Variants in SPATA13 observed in about 807,000 individuals in gnomAD.
SPATA13 encodes the protein spermatogenesis-associated protein 13.
SPATA13 carries 50 observed loss-of-function variants against 104.0 expected under a neutral mutation model. That is an observed-to-expected ratio of 0.48 (90% CI 0.38 to 0.61). The LOEUF (loss-of-function observed/expected upper bound fraction) is 0.61. Ranked by LOEUF, SPATA13 falls within the 20% of genes least tolerant of loss-of-function variation. The pLI is 0.00. For missense variants in SPATA13, 1,524 were observed against 1,690.6 expected, an observed-to-expected ratio of 0.90 and a Z score of 1.73; for synonymous variants, 606 against 667.5, an observed-to-expected ratio of 0.91 and a Z score of 1.42.
chr13:24,262,613 A>T (rs1874110975), intron 4 of SPATA13, among the ~76,000 whole-genome samples: 1 of 152,232 alleles, frequency 6.6e-6, no homozygotes, highest in African/African-American at 2.4e-5. Flanking sequence ...AAGTCACTTA[A>T]TCTCAAAGTC....
chr13:24,195,351 C>T (rs750926550), intron 1 of SPATA13, among the ~76,000 whole-genome samples: 3 of 152,152 alleles, frequency 2.0e-5, no homozygotes, highest in African/African-American at 2.4e-5. Flanking sequence ...ATCCGTGCAT[C>T]GGTTGATGGG....
chr13:24,103,235 C>T (rs562130644), intron 3 of SPATA13, among the ~76,000 whole-genome samples: 2 of 152,168 alleles, frequency 1.3e-5, no homozygotes, highest in East Asian at 3.9e-4. Context: ...AGATGCTAAA[C>T]CAGGTTATTA....
In SPATA13 at chr13:24,102,638, C is replaced by A. The variant is rs550970199; in HGVS notation, c.-112+84937C>A. On this transcript the variant is annotated intron_variant, in intron 3 of 14. Coordinates refer to the SPATA13 transcript ENST00000424834. ...TATAGGTGCCCACCACTAAGCCTGG[C>A]TATTTTTGTATTTTTAGTAGAGATG... Among the ~76,000 whole-genome samples, 12 of 152,138 alleles carry A rather than the reference C, an allele frequency of 7.9e-5. No homozygotes were observed. In the South Asian group the frequency reaches 2.5e-3, roughly 32 times the overall value.
chr13:24,292,047 C>T (rs1013917960), intron 9 of SPATA13, among the ~76,000 whole-genome samples: 14 of 152,226 alleles, frequency 9.2e-5, no homozygotes, highest in Middle Eastern at 3.4e-3. Context: ...TGAGCCACCG[C>T]GCCCGGCCTC....
chr13:24,025,438 T>C (rs1877168432), intron 3 of SPATA13, among the ~76,000 whole-genome samples: 1 of 152,214 alleles, frequency 6.6e-6, no homozygotes, highest in African/African-American at 2.4e-5. Context: ...CAATGAACAT[T>C]CTATGTGTCT....
intron 1 of SPATA13, among the ~76,000 whole-genome samples, chr13:24,201,766 T>C (rs1311182774): frequency 6.6e-6 from 1 of 152,200 alleles, no homozygotes; most frequent in African/African-American, 2.4e-5. Context: ...GTACATTCTA[T>C]GGTTTGTACA....
At chr13:24,288,849 C>A in intron 7 of SPATA13, 150 bp from the exon 8 acceptor site, 1 of 565,528 alleles carries the variant, frequency 1.8e-6, no homozygotes, top group Non-Finnish European at 2.9e-6. Flanking sequence ...AAATTGCAGT[C>A]ATGGAAGTAC....
At chr13:24,300,832 C>A (rs1224724483) in intron 12 of SPATA13, among the ~76,000 whole-genome samples, 1 of 152,158 alleles carries the variant, frequency 6.6e-6, no homozygotes, top group Admixed American at 6.5e-5. Flanking sequence ...AGGACTCTTG[C>A]ATCTTTTAGG....
intron 1 of SPATA13, among the ~76,000 whole-genome samples, chr13:24,181,837 G>T (rs1251703467): frequency 8.3e-5 from 2 of 24,052 alleles, no homozygotes; most frequent in African/African-American, 1.1e-4. Flanking sequence ...AGTATAGGCC[G>T]GGTGTGGTGG....
intron 4 of SPATA13, among the ~76,000 whole-genome samples, chr13:24,282,821 A>T (rs756744024): frequency 2.0e-5 from 3 of 152,264 alleles, no homozygotes; most frequent in Non-Finnish European, 1.5e-5. Context: ...AAAGAAGGAC[A>T]TGAAGCTCAG....
rs140048767 is a variant in SPATA13 at position 24,149,631 on chromosome 13, C to T, written c.-111-73188C>T. On this transcript the variant is annotated intron_variant, in intron 3 of 14. Transcript: ENST00000424834. ...CTTCTGTCACTGTGGTGTAGTGCAG[C>T]GTCCTGAATTTGGAGCTAAAAGCTT... Among the ~76,000 whole-genome samples, 77 of 152,316 alleles carry T rather than the reference C, an allele frequency of 5.1e-4. 1 individual carries two copies. The East Asian group carries it at 0.013, about 26-fold the overall frequency.
At chr13:24,198,421 G>A (rs1414514389) in intron 1 of SPATA13, among the ~76,000 whole-genome samples, 2 of 152,176 alleles carry the variant, frequency 1.3e-5, no homozygotes, top group Non-Finnish European at 2.9e-5. Flanking sequence ...AGGTACACAT[G>A]TGTTTTGCTG....
At chr13:24,039,510 G>C (rs769768903) in intron 3 of SPATA13, among the ~76,000 whole-genome samples, 1 of 152,210 alleles carries the variant, frequency 6.6e-6, no homozygotes, top group Non-Finnish European at 1.5e-5. Context: ...AAGTTGGCAA[G>C]CGCTTTGACT....
intron 4 of SPATA13, 72 bp from the exon 5 acceptor site, chr13:24,284,063 A>C: frequency 6.5e-7 from 1 of 1,529,550 alleles, no homozygotes; most frequent in Non-Finnish European, 8.9e-7. Context: ...TATGTTACCA[A>C]ATTTTTTCAT....
rs575159637 is a variant in SPATA13 at position 24,115,877 on chromosome 13, TC to T, written c.-112+98177del. On this transcript the variant is annotated intron_variant, in intron 3 of 14. Coordinates refer to the SPATA13 transcript ENST00000424834. ...GTGGCTGGCAGGCAGCCTCAGCTCCTCACCTCATGGATCTCTCCTGAGCACA... is the reference window on the plus strand; with the variant it reads ...GTGGCTGGCAGGCAGCCTCAGCTCCTACCTCATGGATCTCTCCTGAGCACA... Among the ~76,000 whole-genome samples the T allele has an allele frequency of 6.0e-4, 91 of 152,318 alleles. 1 individual carries two copies. The highest frequency in any genetic ancestry group is 2.1e-3 in the African/African-American group (88 of 41,572).
At chr13:23,988,744 C>G (rs576336959) in intron 2 of SPATA13, among the ~76,000 whole-genome samples, 1 of 152,306 alleles carries the variant, frequency 6.6e-6, no homozygotes, top group East Asian at 1.9e-4. Context: ...TTTGAATGAA[C>G]TCTGAATGTT....
At chr13:24,013,550 G>T (rs1333618023) in intron 2 of SPATA13, among the ~76,000 whole-genome samples, 1 of 152,130 alleles carries the variant, frequency 6.6e-6, no homozygotes, top group Non-Finnish European at 1.5e-5. Context: ...ATCCTAAAAA[G>T]GTACTTTTTT....
chr13:24,165,289 AT>A (rs1882677388), intron 1 of SPATA13, among the ~76,000 whole-genome samples: 1 of 152,102 alleles, frequency 6.6e-6, no homozygotes, highest in Non-Finnish European at 1.5e-5. Flanking sequence ...CCACCCCAGC[AT>A]GCCAGGTCTG....
At chr13:24,113,622 A>G (rs1476228669) in intron 3 of SPATA13, among the ~76,000 whole-genome samples, 3 of 152,108 alleles carry the variant, frequency 2.0e-5, no homozygotes, top group African/African-American at 4.8e-5. Context: ...CTGTAATCCC[A>G]GCACTTTGGG....
Sources: allele counts gnomAD v4.1 joint callset (sites outside exome capture counted in the v4.1 genomes callset), GRCh38; gene constraint gnomAD v4.1.1; transcripts MANE v1.5; gene names NCBI Gene and HGNC (gene_info 2026-07-23, HGNC 2026-07-21).